SEMA5B: variants seen among roughly 807,000 people sequenced by gnomAD.
SEMA5B encodes the protein semaphorin 5B, also known as semaphorin-5B.
SEMA5B carries 66 observed loss-of-function variants against 135.0 expected under a neutral mutation model. The ratio of observed to expected loss-of-function variants is 0.49; its 90% confidence interval spans 0.40 to 0.60. SEMA5B has a LOEUF of 0.60. SEMA5B is among the 20% of genes least tolerant of loss of function. The pLI, the probability that SEMA5B is intolerant of heterozygous loss-of-function variation, is 0.00. For missense variants in SEMA5B, 1,501 were observed against 1,566.3 expected (o/e 0.96, Z 0.70); for synonymous variants, 690 against 639.5 (o/e 1.08, Z -1.19).
intron 1 of SEMA5B, among the ~76,000 whole-genome samples, chr3:122,970,396 CAG>C (rs1941057622): frequency 1.3e-5 from 2 of 152,210 alleles, no homozygotes; most frequent in South Asian, 4.1e-4. Context: ...GCCCCTTCTC[CAG>C]AGTTTCTCAT....
At chr3:122,946,878 T>A (rs1939811714) in intron 3 of SEMA5B, among the ~76,000 whole-genome samples, 1 of 152,036 alleles carries the variant, frequency 6.6e-6, no homozygotes, top group South Asian at 2.1e-4. Flanking sequence ...GAAGTCAGAT[T>A]CATTCAATGC....
intron 5 of SEMA5B, among the ~76,000 whole-genome samples, chr3:122,933,025 A>G (rs1335676965): frequency 6.6e-6 from 1 of 152,022 alleles, no homozygotes; most frequent in Non-Finnish European, 1.5e-5. Context: ...TGGGCTCAAT[A>G]TGATTTTCTT....
chr3:122,922,195 A>G, intron 11 of SEMA5B, 45 bp downstream of exon 11: 7 of 1,579,756 alleles, frequency 4.4e-6, no homozygotes, highest in Non-Finnish European at 5.2e-6. Context: ...GCCGTCCCTC[A>G]ACCCACCCCC....
intron 1 of SEMA5B, among the ~76,000 whole-genome samples, chr3:122,971,262 C>T (rs997918398): frequency 2.0e-5 from 3 of 152,212 alleles, no homozygotes; most frequent in Non-Finnish European, 2.9e-5. Context: ...AGTGCTATAT[C>T]CCTAGCTGCT....
At position 122,948,492 on chromosome 3, in the gene SEMA5B, GA is replaced by G; in HGVS notation, c.328+13del. The stretch of plus-strand genomic sequence containing the variant: ...GCCATTGCAAGACAGGGCCAAGTAG[GA>G]AGCAACTCTTACCTTCAAAGGCCAC... On this transcript the variant is annotated intron_variant, in intron 3 of 22. Coordinates refer to ENST00000357599, the MANE Select transcript of SEMA5B (RefSeq NM_001031702.4). 1 of 1,589,464 alleles carries G rather than the reference GA, an allele frequency of 6.3e-7. No individual in the cohort carries two copies. Among genetic ancestry groups the G allele is most frequent in the Non-Finnish European group, 8.6e-7 (1 of 1,163,216 alleles).
In SEMA5B at chr3:122,912,345, G is replaced by C; in HGVS notation, c.2726-3C>G. On this transcript the variant is annotated splice_polypyrimidine_tract_variant and splice_region_variant and intron_variant, in intron 18 of 22. Transcript: ENST00000357599. ...CCAGCAGGACCAAGCACCCCGAACTGCAAGGGGACGGGGTGTGTGAGGGGC... is the reference window on the plus strand; with the variant it reads ...CCAGCAGGACCAAGCACCCCGAACTCCAAGGGGACGGGGTGTGTGAGGGGC... 6.3e-7 allele frequency: 1 copy of C among 1,586,914 alleles called. No individual in the cohort carries two copies. Among genetic ancestry groups the C allele is most frequent in the South Asian group, 1.2e-5 (1 of 85,950 alleles).
At position 122,909,945 on chromosome 3, in the gene SEMA5B, T is replaced by C; in HGVS notation, c.*198A>G. 2 of 594,286 alleles carry C rather than the reference T, an allele frequency of 3.4e-6. No homozygotes were observed. The highest frequency in any genetic ancestry group is 4.4e-5 in the South Asian group (2 of 45,856). 36.8% of individuals were successfully genotyped at this position (594,286 alleles called of 1,614,324 possible). A position where few individuals can be genotyped will look rare whatever the true frequency, so the allele number is the denominator to read the frequency against. On this transcript the variant is annotated 3_prime_UTR_variant, in exon 23 of 23. Transcript: ENST00000357599. ...GGGCTGAACTGGACCTGCGGCCATA[T>C]GTCAGCCTGAAACCAGCCCTTTCCC...
At chr3:122,916,715 C>T (rs113491517) in intron 12 of SEMA5B, among the ~76,000 whole-genome samples, 73 of 152,272 alleles carry the variant, frequency 4.8e-4, no homozygotes, top group African/African-American at 1.6e-3. Flanking sequence ...AGCGCAGGAT[C>T]GGCAGACACC....
At chr3:123,002,638 C>G (rs893404698) in intron 1 of SEMA5B, among the ~76,000 whole-genome samples, 1 of 152,174 alleles carries the variant, frequency 6.6e-6, no homozygotes, top group Non-Finnish European at 1.5e-5. Context: ...CAGTCCCCAG[C>G]CAAAGTAGCC....
At chr3:122,910,787 G>A (rs1937642509) in intron 22 of SEMA5B, 53 bp downstream of exon 22, 11 of 1,408,320 alleles carry the variant, frequency 7.8e-6, no homozygotes, top group Non-Finnish European at 9.6e-6. Flanking sequence ...TCCAGCCTGG[G>A]CGACAGAGTG....
At chr3:122,955,626 G>T (rs1283673471) in intron 2 of SEMA5B, among the ~76,000 whole-genome samples, 1 of 152,148 alleles carries the variant, frequency 6.6e-6, no homozygotes, top group Non-Finnish European at 1.5e-5. Context: ...TATCCCGAGG[G>T]TTGTATAGTA....
At chr3:122,914,585 C>T (rs1339071529) in intron 14 of SEMA5B, among the ~76,000 whole-genome samples, 1 of 152,248 alleles carries the variant, frequency 6.6e-6, no homozygotes, top group Admixed American at 6.5e-5. Context: ...TATTCCTACC[C>T]CCATGAGGTT....
chr3:122,966,567 T>TTATTAC, intron 1 of SEMA5B, among the ~76,000 whole-genome samples: 1 of 145,102 alleles, frequency 6.9e-6, no homozygotes, highest in East Asian at 2.0e-4. Context: ...ATTATTATTA[T>TTATTAC]TTTTTGAGAC....
intron 1 of SEMA5B, chr3:123,027,036 C>G (rs1348305939): frequency 6.6e-6 from 1 of 152,478 alleles, no homozygotes. Context: ...CGCGCCTCGC[C>G]GCCCGCACTC....
chr3:122,974,517 G>C (rs142514252), intron 1 of SEMA5B, among the ~76,000 whole-genome samples: 117 of 152,350 alleles, frequency 7.7e-4, no homozygotes, highest in Middle Eastern at 3.4e-3. Flanking sequence ...GGTCCTTCTG[G>C]GTTTGGGTAT....
intron 8 of SEMA5B, 97 bp downstream of exon 8, chr3:122,927,693 A>T: frequency 2.3e-6 from 2 of 886,950 alleles, no homozygotes; most frequent in Non-Finnish European, 3.2e-6. Flanking sequence ...GAGCACTTGC[A>T]GAGGTTGGCA....
At chr3:122,947,920 T>C (rs1251492439) in intron 3 of SEMA5B, among the ~76,000 whole-genome samples, 1 of 152,160 alleles carries the variant, frequency 6.6e-6, no homozygotes, top group Non-Finnish European at 1.5e-5. Context: ...TAGCAAGTAT[T>C]AGAATGTATA....
At chr3:122,940,738 C>T (rs1317627167) in intron 4 of SEMA5B, among the ~76,000 whole-genome samples, 1 of 152,206 alleles carries the variant, frequency 6.6e-6, no homozygotes, top group East Asian at 1.9e-4. Flanking sequence ...ATCTTCTTTG[C>T]TGTCCTGGGG....
At chr3:123,002,954 CA>C (rs1013346128) in intron 1 of SEMA5B, among the ~76,000 whole-genome samples, 10 of 151,796 alleles carry the variant, frequency 6.6e-5, no homozygotes, top group Non-Finnish European at 1.0e-4. Context: ...GGAAGCACTA[CA>C]AAAAAAATTA....
Sources: gnomAD v4.1 joint callset for allele counts (sites outside exome capture counted in the v4.1 genomes callset) on GRCh38, gnomAD v4.1.1 for gene constraint, MANE v1.5 for transcripts, NCBI Gene and HGNC (gene_info 2026-07-23, HGNC 2026-07-21) for gene names.